The following STAT5B variants were observed in gnomAD, a reference collection of about 807,000 sequenced individuals.
STAT5B encodes transcription factor STAT5B.
STAT5B carries 21 observed loss-of-function variants against 107.8 expected under a neutral mutation model. The ratio of observed to expected loss-of-function variants is 0.19; its 90% CI spans 0.14 to 0.28. The LOEUF (loss-of-function observed/expected upper bound fraction) is 0.28. STAT5B is among the 10% of genes least tolerant of loss of function. The pLI, the probability that STAT5B is intolerant of heterozygous loss-of-function variation, is 1.00. For synonymous variants in STAT5B, 325 were observed against 401.7 expected (o/e 0.81, Z 2.28); for missense variants, 565 against 1,008.2 (o/e 0.56, Z 5.95).
In STAT5B at chr17:42,201,463, C is replaced by T. The variant is rs575762109; in HGVS notation, c.*275G>A. ...AACCACCACAGCTTCTGTCTGTGGC[C>T]CCTCTGCTACAACTAAACTCTCAGA... On this transcript the variant is annotated 3_prime_UTR_variant, in exon 19 of 19. Transcript: ENST00000293328. The T allele has an allele frequency of 1.8e-4, 108 of 606,260 alleles. No individual in the cohort carries two copies. The highest frequency in any genetic ancestry group is 2.7e-4 in the Non-Finnish European group (91 of 338,678). The allele number at this position is 606,260 out of a possible 1,614,324, so 37.6% of individuals were successfully genotyped here. A position where few individuals can be genotyped will look rare whatever the true frequency, so the allele number is the denominator to read the frequency against.
At chr17:42,269,789 T>C (rs1224205954) in intron 1 of STAT5B, 1 of 150,588 alleles carries the variant, frequency 6.6e-6, no homozygotes, top group Admixed American at 6.6e-5. Context: ...AACTTCACAA[T>C]CCACTCCCAA....
chr17:42,233,561 GCTCACTGCTAGCCCCGCCT>G (rs2080334619), intron 1 of STAT5B, among the ~76,000 whole-genome samples: 1 of 151,366 alleles, frequency 6.6e-6, no homozygotes, highest in Non-Finnish European at 1.5e-5. Flanking sequence ...CGCGATCTCA[GCTCACTGCTAGCCCCGCCT>G]CCCGGGTTCA....
chr17:42,224,924 A>C, intron 3 of STAT5B, 56 bp from the exon 4 acceptor site: 2 of 1,580,686 alleles, frequency 1.3e-6, no homozygotes, highest in Non-Finnish European at 1.7e-6. Flanking sequence ...ATGGGCCCTA[A>C]CCATGCCTCA....
Position 42,213,454 on chromosome 17 carries a change from G to A in STAT5B, c.1474-1264C>T, listed in dbSNP as rs530306138. Among the ~76,000 whole-genome samples, 120 of 152,236 alleles carry A rather than the reference G, an allele frequency of 7.9e-4. 3 individuals carry two copies. In the South Asian group the frequency reaches 0.021, roughly 27 times the overall value. On this transcript the variant is annotated intron_variant, in intron 12 of 18. Transcript: ENST00000293328. ...ATTCCTGGGCTCAAGAGATCCGCTTGCCTTGGCCTCCCAAAGTGCTGGGAT... is the reference window on the plus strand; with the variant it reads ...ATTCCTGGGCTCAAGAGATCCGCTTACCTTGGCCTCCCAAAGTGCTGGGAT...
At chr17:42,251,506 T>C (rs1024366410) in intron 1 of STAT5B, among the ~76,000 whole-genome samples, 1 of 152,122 alleles carries the variant, frequency 6.6e-6, no homozygotes, top group Non-Finnish European at 1.5e-5. Context: ...ATGTCATTAA[T>C]AGAAATGAGA....
At chr17:42,239,880 C>T (rs1487790794) in intron 1 of STAT5B, among the ~76,000 whole-genome samples, 2 of 152,226 alleles carry the variant, frequency 1.3e-5, no homozygotes, top group East Asian at 3.8e-4. Flanking sequence ...AATCCCAGCA[C>T]TTTGGGACGC....
intron 8 of STAT5B, 116 bp downstream of exon 8, chr17:42,218,607 T>C: frequency 6.4e-7 from 1 of 1,574,560 alleles, no homozygotes; most frequent in Non-Finnish European, 8.6e-7. Context: ...GGAGATGGAG[T>C]TGGGAGGGAT....
At chr17:42,231,333 C>T (rs2080315923) in intron 2 of STAT5B, among the ~76,000 whole-genome samples, 1 of 151,822 alleles carries the variant, frequency 6.6e-6, no homozygotes, top group Admixed American at 6.6e-5. Context: ...GAGATGAGGG[C>T]TTTAATTTTG....
In STAT5B at chr17:42,201,501, G is replaced by T; in HGVS notation, c.*237C>A. 1.6e-6 allele frequency: 1 copy of T among 629,130 alleles called. No homozygotes were observed. Among genetic ancestry groups the T allele is most frequent in the South Asian group, 1.8e-5 (1 of 55,688 alleles). The allele number at this position is 629,130 out of a possible 1,614,324, so 39.0% of individuals were successfully genotyped here. ...CTAAACTCTCAGACAGTGAGAGGGA[G>T]AAACACCATAACGTGCAAACACGCA... On this transcript the variant is annotated 3_prime_UTR_variant, in exon 19 of 19. Coordinates refer to ENST00000293328, the MANE Select transcript of STAT5B (RefSeq NM_012448.4).
chr17:42,210,088 G>C (rs1455628622), intron 15 of STAT5B, 83 bp downstream of exon 15: 2 of 1,596,342 alleles, frequency 1.3e-6, no homozygotes, highest in Non-Finnish European at 1.7e-6. Context: ...TCAACAAATA[G>C]TAAGTACCCA....
At chr17:42,279,634 A>T (rs2080787504), upstream of STAT5B, among the ~76,000 whole-genome samples, 1 of 152,106 alleles carries the variant, frequency 6.6e-6, no homozygotes, top group South Asian at 2.1e-4. Flanking sequence ...CTAAAAATAC[A>T]AAATTAGCTG....
chr17:42,204,678 A>T (rs2080072246), intron 16 of STAT5B, among the ~76,000 whole-genome samples: 1 of 152,262 alleles, frequency 6.6e-6, no homozygotes, highest in South Asian at 2.1e-4. Flanking sequence ...GCAATGGCAC[A>T]ATCATAGCTC....
intron 1 of STAT5B, among the ~76,000 whole-genome samples, chr17:42,251,885 G>A (rs907319950): frequency 1.3e-5 from 2 of 151,752 alleles, no homozygotes; most frequent in Non-Finnish European, 2.9e-5. Context: ...TGTAATCCCA[G>A]CTACTGGGGA....
chr17:42,236,918 A>G (rs60100233), intron 1 of STAT5B, among the ~76,000 whole-genome samples: 1 of 152,134 alleles, frequency 6.6e-6, no homozygotes, highest in Non-Finnish European at 1.5e-5. Flanking sequence ...AGTACCCGCC[A>G]TCTTCTGCTT....
rs1251047706 is a variant in STAT5B at position 42,200,879 on chromosome 17, T to C, written c.*859A>G. 5.3e-5 allele frequency: 21 copies of C among 392,554 alleles called. No homozygotes were observed. 24.3% of individuals were successfully genotyped at this position (392,554 alleles called of 1,614,324 possible). ...CTTCCTGGGTAACCAGGCAACAATC[T>C]CAGCGCCTGGGAGTCAGGGCTGCGC... On this transcript the variant is annotated 3_prime_UTR_variant, in exon 19 of 19. Transcript: ENST00000293328.
At chr17:42,265,815 T>C (rs1443244535) in intron 1 of STAT5B, among the ~76,000 whole-genome samples, 1 of 152,204 alleles carries the variant, frequency 6.6e-6, no homozygotes, top group Non-Finnish European at 1.5e-5. Context: ...ATCTGTTAAC[T>C]GAAAAAACTT....
intron 18 of STAT5B, 130 bp downstream of exon 18, chr17:42,202,210 C>A: frequency 2.7e-6 from 3 of 1,119,314 alleles, no homozygotes; most frequent in Non-Finnish European, 1.3e-6. Context: ...AGGCCAGAGC[C>A]CGGGCCAGGG....
rs530900056 is a variant in STAT5B at position 42,243,577 on chromosome 17, G to A, written c.-10-11440C>T. On this transcript the variant is annotated intron_variant, in intron 1 of 18. Transcript: ENST00000293328. ...GAAACGGAAGAGTGACAGTGGTGGGGAGTGTGGGAAAGTAAATCTAACAAC... is the reference window on the plus strand; with the variant it reads ...GAAACGGAAGAGTGACAGTGGTGGGAAGTGTGGGAAAGTAAATCTAACAAC... 3.9e-5 allele frequency among the ~76,000 whole-genome samples: 6 copies of A among 152,302 alleles called. No individual in the cohort carries two copies. The South Asian group carries it at 1.2e-3, about 32-fold the overall frequency.
chr17:42,287,374 A>T, the STAT5B span, among the ~76,000 whole-genome samples: 2 of 149,844 alleles, frequency 1.3e-5, no homozygotes, highest in Non-Finnish European at 3.0e-5. Context: ...CTGTGCTGTG[A>T]GTGGGCAGCT....
Sources: gnomAD v4.1 joint callset for allele counts (sites outside exome capture counted in the v4.1 genomes callset) on GRCh38, gnomAD v4.1.1 for gene constraint, MANE v1.5 for transcripts, NCBI Gene and HGNC (gene_info 2026-07-23, HGNC 2026-07-21) for gene names.